PGAP1: variants seen among roughly 807,000 people sequenced by gnomAD.
PGAP1 encodes the protein GPI inositol-deacylase.
In PGAP1, 76 loss-of-function variants were observed where a neutral mutation model predicts 127.0. The ratio of observed to expected loss-of-function variants is 0.60; its 90% CI spans 0.50 to 0.72. The LOEUF is 0.72. Ranked by LOEUF, PGAP1 falls within the 30% of genes least tolerant of loss-of-function variation. The pLI is 0.00. For missense variants in PGAP1, 982 were observed against 1,071.3 expected, an observed-to-expected ratio of 0.92 and a Z score of 1.16; for synonymous variants, 362 against 366.5, an observed-to-expected ratio of 0.99 and a Z score of 0.14.
At chr2:196,884,755 C>G (rs1435920629) in intron 12 of PGAP1, among the ~76,000 whole-genome samples, 2 of 152,130 alleles carry the variant, frequency 1.3e-5, no homozygotes, top group African/African-American at 4.8e-5. Context: ...AGACTGAAAA[C>G]TATCAATCCG....
intron 1 of PGAP1, among the ~76,000 whole-genome samples, chr2:196,924,029 C>T (rs952074627): frequency 1.3e-5 from 2 of 152,118 alleles, no homozygotes; most frequent in African/African-American, 4.8e-5. Flanking sequence ...GATATGGGTT[C>T]GTGAGATGTT....
intron 24 of PGAP1, 23 bp downstream of exon 24, chr2:196,844,501 A>G (rs771954248): frequency 2.6e-6 from 4 of 1,544,244 alleles, no homozygotes; most frequent in Admixed American, 3.9e-5. Context: ...AAATTTATGT[A>G]GAGTTTTGAA....
intron 12 of PGAP1, among the ~76,000 whole-genome samples, chr2:196,884,315 T>A (rs1026930975): frequency 1.3e-5 from 2 of 152,140 alleles, no homozygotes; most frequent in African/African-American, 4.8e-5. Flanking sequence ...AGTAAGTATA[T>A]CCTAACACTT....
Position 196,841,359 on chromosome 2 carries a change from T to A in PGAP1, c.2644A>T (p.Thr882Ser), listed in dbSNP as rs771216557. ...AGAGGAAGTGGAAATTGTGAAGTAGTCTTCAACAATTTACTGTAAAGAGAC... is the reference window on the plus strand; with the variant it reads ...AGAGGAAGTGGAAATTGTGAAGTAGACTTCAACAATTTACTGTAAAGAGAC... ...VSIKSSKLLKTTSQFPLPLAV... is the reference protein window; with the variant it reads ...VSIKSSKLLKSTSQFPLPLAV... Residue 882 changes from threonine (T) to serine (S), a missense_variant, in exon 27 of 27, where the codon ACT (threonine) becomes TCT (serine). By Grantham distance (58) the Thr-to-Ser change is moderately conservative. Coordinates refer to ENST00000354764, the MANE Select transcript of PGAP1 (RefSeq NM_024989.4). 109 of 1,612,898 alleles carry A rather than the reference T, an allele frequency of 6.8e-5. No individual in the cohort carries two copies. The highest frequency in any genetic ancestry group is 7.9e-5 in the Non-Finnish European group (93 of 1,179,418).
intron 2 of PGAP1, 24 bp from the exon 3 acceptor site, chr2:196,916,617 C>T (rs891701639): frequency 1.9e-6 from 3 of 1,562,870 alleles, no homozygotes; most frequent in Non-Finnish European, 2.6e-6. Flanking sequence ...GAGTGAAGTG[C>T]ACATTAAACA....
intron 20 of PGAP1, among the ~76,000 whole-genome samples, chr2:196,860,917 C>T (rs1701044695): frequency 6.6e-6 from 1 of 152,128 alleles, no homozygotes; most frequent in African/African-American, 2.4e-5. Flanking sequence ...TGGAGGCAAT[C>T]ACATTACCTG....
At chr2:196,865,290 C>A (rs1310580835) in intron 19 of PGAP1, among the ~76,000 whole-genome samples, 1 of 152,058 alleles carries the variant, frequency 6.6e-6, no homozygotes, top group African/African-American at 2.4e-5. Context: ...AAAGGCATAA[C>A]AGAACATATA....
At chr2:196,905,374 T>C (rs1702661764) in intron 4 of PGAP1, among the ~76,000 whole-genome samples, 1 of 152,184 alleles carries the variant, frequency 6.6e-6, no homozygotes, top group South Asian at 2.1e-4. Context: ...TTATTAAAAT[T>C]AAAATGTTTC....
At position 196,875,547 on chromosome 2, in the gene PGAP1, A is replaced by T. The variant is rs73064958; in HGVS notation, c.1426+199T>A. ...AGATACACACACGCAATTACCTGCA[A>T]ATGTATGTGATTATGGAAGTTCACT... On this transcript the variant is annotated intron_variant, in intron 14 of 26. Coordinates refer to ENST00000354764, the MANE Select transcript of PGAP1 (RefSeq NM_024989.4). Among the ~76,000 whole-genome samples the T allele has an allele frequency of 0.1, 15,514 of 152,192 alleles. 958 individuals are homozygous for T. Among genetic ancestry groups the T allele is most frequent in the African/African-American group, 0.17 (7,167 of 41,504 alleles).
chr2:196,881,049 G>A (rs954343323), intron 12 of PGAP1, among the ~76,000 whole-genome samples: 2 of 152,072 alleles, frequency 1.3e-5, no homozygotes, highest in Non-Finnish European at 2.9e-5. Flanking sequence ...AGGCCCGAGT[G>A]TGTGTTGTTC....
intron 20 of PGAP1, among the ~76,000 whole-genome samples, chr2:196,862,184 A>G (rs182151686): frequency 3.9e-5 from 6 of 152,206 alleles, no homozygotes; most frequent in Admixed American, 3.9e-4. Context: ...CATCCTTAGG[A>G]AAGAGAATAC....
At chr2:196,878,968 A>T (rs1435316203) in intron 13 of PGAP1, among the ~76,000 whole-genome samples, 1 of 152,200 alleles carries the variant, frequency 6.6e-6, no homozygotes. Context: ...AATTGAAATA[A>T]CCACATGTGC....
intron 1 of PGAP1, chr2:196,922,493 C>T: frequency 7.2e-6 from 7 of 978,844 alleles, no homozygotes; most frequent in Non-Finnish European, 8.5e-6. Context: ...TTAAGGACAA[C>T]TGAATTTTTC....
chr2:196,905,720 GT>G (rs1702681131), intron 4 of PGAP1, among the ~76,000 whole-genome samples: 1 of 149,570 alleles, frequency 6.7e-6, no homozygotes, highest in South Asian at 2.2e-4. Context: ...GTGCCAGACA[GT>G]GGGCGCAGGC....
intron 25 of PGAP1, among the ~76,000 whole-genome samples, chr2:196,843,653 C>A (rs1456890477): frequency 6.6e-6 from 1 of 151,982 alleles, no homozygotes; most frequent in Non-Finnish European, 1.5e-5. Flanking sequence ...TGCTTGAACC[C>A]AGAAGGCGGA....
rs781332202 is a variant in PGAP1 at position 196,837,051 on chromosome 2, T to C, written c.*4183A>G. 6.6e-6 allele frequency: 1 copy of C among 152,212 alleles called. No individual in the cohort carries two copies. Among genetic ancestry groups the C allele is most frequent in the Non-Finnish European group, 1.5e-5 (1 of 68,038 alleles). 9.4% of individuals were successfully genotyped at this position (152,212 alleles called of 1,614,324 possible). A position where few individuals can be genotyped will look rare whatever the true frequency, so the allele number is the denominator to read the frequency against. On this transcript the variant is annotated 3_prime_UTR_variant, in exon 27 of 27. Transcript: ENST00000354764. The stretch of plus-strand genomic sequence containing the variant: ...AGTTACTAAACTTCAAATGCAGCAC[T>C]GTAAAGTTTCACACTGAACCTAATA...
intron 6 of PGAP1, 112 bp downstream of exon 6, chr2:196,898,205 G>A (rs555712213): frequency 2.9e-5 from 20 of 696,592 alleles, no homozygotes; most frequent in African/African-American, 1.3e-4. Context: ...GCAACAGAGC[G>A]AGACTCTGTC....
intron 4 of PGAP1, among the ~76,000 whole-genome samples, chr2:196,903,873 A>G (rs1361225295): frequency 6.6e-6 from 1 of 152,182 alleles, no homozygotes; most frequent in African/African-American, 2.4e-5. Flanking sequence ...GTGATTATCA[A>G]AATTTAATGC....
intron 1 of PGAP1, among the ~76,000 whole-genome samples, chr2:196,921,714 C>A (rs569931905): frequency 6.6e-6 from 1 of 151,886 alleles, no homozygotes; most frequent in Admixed American, 6.6e-5. Flanking sequence ...TCATAAAATA[C>A]TATTATGAAA....
Sources: allele counts gnomAD v4.1 joint callset (sites outside exome capture counted in the v4.1 genomes callset), GRCh38; gene constraint gnomAD v4.1.1; transcripts MANE v1.5; gene names NCBI Gene and HGNC (gene_info 2026-07-23, HGNC 2026-07-21).